STK39: variants seen among roughly 807,000 people sequenced by gnomAD.
STK39 encodes STE20/SPS1-related proline-alanine-rich protein kinase.
STK39 carries 20 observed loss-of-function variants against 77.8 expected under a neutral mutation model. That is an observed-to-expected ratio of 0.26 (90% CI 0.18 to 0.37). The LOEUF is 0.37. Ranked by LOEUF, STK39 falls within the 10% of genes least tolerant of loss-of-function variation. STK39 has a pLI of 1.00. For synonymous variants in STK39, 246 were observed against 234.1 expected (o/e 1.05, Z -0.47); for missense variants, 479 against 656.5 (o/e 0.73, Z 2.95).
intron 14 of STK39, among the ~76,000 whole-genome samples, chr2:168,053,578 T>C (rs1250007852): frequency 2.0e-5 from 3 of 152,190 alleles, no homozygotes; most frequent in Non-Finnish European, 2.9e-5. Context: ...ACTCTATGCA[T>C]TCTCTGTTGC....
At chr2:167,956,732 C>CCT (rs1428298717) in intron 17 of STK39, among the ~76,000 whole-genome samples, 10 of 40,250 alleles carry the variant, frequency 2.5e-4, no homozygotes, top group Non-Finnish European at 4.8e-4. Flanking sequence ...TCTCTCTCCC[C>CCT]CCCCGCCCCC....
intron 14 of STK39, among the ~76,000 whole-genome samples, chr2:168,052,027 A>G (rs79248866): frequency 0.013 from 2,049 of 151,898 alleles, 49 homozygotes; most frequent in African/African-American, 0.047. Flanking sequence ...ACCTCTTACC[A>G]AAGAAGGCTC....
intron 1 of STK39, among the ~76,000 whole-genome samples, chr2:168,216,144 C>CGG (rs3063868): frequency 0.58 from 88,299 of 151,690 alleles, 29,196 homozygotes; most frequent in Non-Finnish European, 0.78. Flanking sequence ...ATAGGCCTCC[C>CGG]GTGCTTCCTC....
chr2:168,236,306 T>G (rs902679131), intron 1 of STK39, among the ~76,000 whole-genome samples: 9 of 152,106 alleles, frequency 5.9e-5, no homozygotes. Context: ...GGGGTTGTTT[T>G]TTTCTTGTAA....
At chr2:168,118,602 CAAAAAAAAAA>C (rs35533319) in intron 10 of STK39, among the ~76,000 whole-genome samples, 1 of 119,348 alleles carries the variant, frequency 8.4e-6, no homozygotes, top group South Asian at 2.9e-4. Flanking sequence ...CATATGCTTT[CAAAAAAAAAA>C]AAAAAAAAAA....
Position 168,065,365 on chromosome 2 carries a change from C to T in STK39, c.1259G>A (p.Ser420Asn). 6.2e-7 allele frequency: 1 copy of T among 1,614,050 alleles called. No individual in the cohort carries two copies. The highest frequency in any genetic ancestry group is 8.5e-7 in the Non-Finnish European group (1 of 1,179,950). Residue 420 changes from serine to asparagine, a missense_variant, in exon 13 of 18, where the codon AGC becomes AAC. Ser to Asn is a conservative substitution (Grantham distance 46). Coordinates refer to ENST00000355999, the MANE Select transcript of STK39 (RefSeq NM_013233.3). ...EENPEIAVSA[S>N]TIPEQIQSLS... is the part of the protein sequence containing the mutation. Reference sequence around the variant, plus strand: ...GGACTGTATTTGTTCGGGGATGGTGCTGGCACTCACTGCAATCTGTTACGA... The same window carrying T: ...GGACTGTATTTGTTCGGGGATGGTGTTGGCACTCACTGCAATCTGTTACGA...
At chr2:168,180,388 T>C (rs1689055627) in intron 2 of STK39, among the ~76,000 whole-genome samples, 1 of 152,088 alleles carries the variant, frequency 6.6e-6, no homozygotes, top group South Asian at 2.1e-4. Context: ...CACTGGCAAA[T>C]TCTTGAGTGA....
intron 16 of STK39, among the ~76,000 whole-genome samples, chr2:167,994,924 G>A (rs944196282): frequency 3.3e-5 from 5 of 152,014 alleles, no homozygotes; most frequent in Non-Finnish European, 5.9e-5. Context: ...ACAGTAAATT[G>A]GGTAAGTAGA....
chr2:168,034,773 T>C (rs1246867177), intron 14 of STK39, among the ~76,000 whole-genome samples: 2 of 152,206 alleles, frequency 1.3e-5, no homozygotes, highest in Admixed American at 6.5e-5. Flanking sequence ...CCATGTTTTG[T>C]ATTCTGAACA....
chr2:168,111,129 T>C (rs1448827), intron 10 of STK39, among the ~76,000 whole-genome samples: 57,967 of 152,002 alleles, frequency 0.38, 12,034 homozygotes, highest in South Asian at 0.53. Context: ...TCTAGACATT[T>C]GGCATACAGT....
In STK39 at chr2:168,035,291, C is replaced by CT. The variant is rs1157919230; in HGVS notation, c.1377-18197dup. ...TGACACGTCATCACCAACATGCTTG[C>CT]TTACAAGTTCCTTTCAATTTTAGAA... On this transcript the variant is annotated intron_variant, in intron 14 of 17. Coordinates refer to ENST00000355999, the MANE Select transcript of STK39 (RefSeq NM_013233.3). Among the ~76,000 whole-genome samples the CT allele has an allele frequency of 3.3e-5, 5 of 152,256 alleles. No homozygotes were observed. In the East Asian group the frequency reaches 9.7e-4, roughly 29 times the overall value.
chr2:167,985,626 C>A (rs1245773019), intron 16 of STK39, among the ~76,000 whole-genome samples: 1 of 152,118 alleles, frequency 6.6e-6, no homozygotes, highest in Non-Finnish European at 1.5e-5. Context: ...AAACCACTAG[C>A]CTTACTGAAT....
At chr2:168,119,025 C>T (rs1260475853) in intron 10 of STK39, among the ~76,000 whole-genome samples, 1 of 152,194 alleles carries the variant, frequency 6.6e-6, no homozygotes, top group Non-Finnish European at 1.5e-5. Flanking sequence ...GCCTACTGTT[C>T]TCTCAGCTCT....
At chr2:168,088,745 C>T (rs1686437201) in intron 10 of STK39, among the ~76,000 whole-genome samples, 1 of 152,098 alleles carries the variant, frequency 6.6e-6, no homozygotes, top group African/African-American at 2.4e-5. Context: ...TTCGTATATG[C>T]ACATAGCATT....
intron 1 of STK39, among the ~76,000 whole-genome samples, chr2:168,237,330 T>C (rs1690646889): frequency 6.6e-6 from 1 of 152,240 alleles, no homozygotes; most frequent in Non-Finnish European, 1.5e-5. Flanking sequence ...CCTATCAGCT[T>C]AAGGAGATTT....
intron 14 of STK39, among the ~76,000 whole-genome samples, chr2:168,025,144 G>A (rs923969756): frequency 2.6e-5 from 4 of 152,074 alleles, no homozygotes; most frequent in Non-Finnish European, 5.9e-5. Flanking sequence ...TCTCTTCAGT[G>A]TTAATGTTCC....
At chr2:168,237,508 T>C (rs1399993491) in intron 1 of STK39, among the ~76,000 whole-genome samples, 1 of 152,198 alleles carries the variant, frequency 6.6e-6, no homozygotes, top group African/African-American at 2.4e-5. Flanking sequence ...AGAGAGTGCA[T>C]CCCTGTCTTG....
intron 16 of STK39, among the ~76,000 whole-genome samples, chr2:168,005,897 A>G (rs1227843262): frequency 3.3e-5 from 5 of 152,218 alleles, no homozygotes; most frequent in South Asian, 2.1e-4. Flanking sequence ...GGCATGAACA[A>G]TAGTCCAAAA....
chr2:168,155,164 G>A (rs1688393778), intron 5 of STK39, among the ~76,000 whole-genome samples: 1 of 152,140 alleles, frequency 6.6e-6, no homozygotes, highest in Non-Finnish European at 1.5e-5. Context: ...AAAAATTCCA[G>A]CAGGAGAGTA....
Sources: gnomAD v4.1 joint callset for allele counts (sites outside exome capture counted in the v4.1 genomes callset) on GRCh38, gnomAD v4.1.1 for gene constraint, MANE v1.5 for transcripts, NCBI Gene and HGNC (gene_info 2026-07-23, HGNC 2026-07-21) for gene names.